PARVA: variants seen among roughly 807,000 people sequenced by gnomAD.
PARVA encodes the protein parvin alpha.
PARVA carries 25 observed loss-of-function variants against 52.6 expected under a neutral mutation model. The ratio of observed to expected loss-of-function variants is 0.48; its 90% CI spans 0.35 to 0.66. The LOEUF (loss-of-function observed/expected upper bound fraction) is 0.66. Ranked by LOEUF, PARVA falls within the 30% of genes least tolerant of loss-of-function variation. The probability of loss-of-function intolerance (pLI) is 0.01; values close to 1 mark genes in which losing one functional copy is unlikely to be tolerated. For missense variants in PARVA, 373 were observed against 450.9 expected (o/e 0.83, Z 1.56); for synonymous variants, 185 against 179.1 (o/e 1.03, Z -0.26).
intron 1 of PARVA, 83 bp from the exon 2 acceptor site, chr11:12,473,662 A>T: frequency 2.0e-6 from 2 of 1,013,570 alleles, no homozygotes; most frequent in Admixed American, 2.0e-5. Flanking sequence ...TCTCAATGTC[A>T]ATATCGAACA....
chr11:12,523,267 T>C (rs1941661528), intron 12 of PARVA, among the ~76,000 whole-genome samples: 2 of 152,156 alleles, frequency 1.3e-5, no homozygotes, highest in Admixed American at 1.3e-4. Context: ...CAGGATGAGA[T>C]AGAGGCGCAG....
chr11:12,499,327 G>A (rs900330444), intron 5 of PARVA, among the ~76,000 whole-genome samples: 5 of 152,118 alleles, frequency 3.3e-5, no homozygotes, highest in African/African-American at 4.8e-5. Context: ...GTTACCTTCC[G>A]TGGATGTAAA....
chr11:12,377,696 C>T lies in PARVA; in HGVS notation c.49C>T (p.Pro17Ser). 1 of 1,567,126 alleles carries T rather than the reference C, an allele frequency of 6.4e-7. No homozygotes were observed. Reference sequence around the variant, plus strand: ...GCCTTCTGTCCCCAAGTCTCCCACTCCCAAGTCGCCCCCGTCCCGCAAGAA... The same window carrying T: ...GCCTTCTGTCCCCAAGTCTCCCACTTCCAAGTCGCCCCCGTCCCGCAAGAA... ...KSPSVPKSPT[P>S]KSPPSRKKDD... The change falls in exon 1 of 13, where the codon CCC becomes TCC. Residue 17 changes from proline (P) to serine (S), a missense_variant. Transcript: ENST00000334956.
intron 1 of PARVA, among the ~76,000 whole-genome samples, chr11:12,421,919 G>A (rs1940157191): frequency 6.6e-6 from 1 of 152,212 alleles, no homozygotes; most frequent in Non-Finnish European, 1.5e-5. Flanking sequence ...TCTTGATTGA[G>A]TAGTTCAAGA....
chr11:12,387,832 A>G (rs1939601413), intron 1 of PARVA, among the ~76,000 whole-genome samples: 1 of 152,044 alleles, frequency 6.6e-6, no homozygotes, highest in East Asian at 1.9e-4. Flanking sequence ...TTTCATCCAG[A>G]AAAGCTTGCT....
At chr11:12,430,094 A>G (rs1008551429) in intron 1 of PARVA, among the ~76,000 whole-genome samples, 4 of 152,118 alleles carry the variant, frequency 2.6e-5, no homozygotes, top group Admixed American at 6.5e-5. Flanking sequence ...GAGAAATCAA[A>G]CCCTGATTTG....
At chr11:12,524,728 T>G (rs1426612578) in intron 12 of PARVA, among the ~76,000 whole-genome samples, 5 of 152,178 alleles carry the variant, frequency 3.3e-5, no homozygotes, top group Admixed American at 3.3e-4. Flanking sequence ...GGAATTTTTT[T>G]CCTTGGCTTC....
rs547728943 is a variant in PARVA at position 12,460,373 on chromosome 11, GATA to G, written c.137-13365_137-13363del. Among the ~76,000 whole-genome samples the G allele has an allele frequency of 4.8e-3, 733 of 152,166 alleles. 3 individuals are homozygous for G. The highest frequency in any genetic ancestry group is 0.017 in the African/African-American group (717 of 41,522). On this transcript the variant is annotated intron_variant, in intron 1 of 12. Transcript: ENST00000334956. ...TCATTTTCCTCATCTGTAAAATGAG[GATA>G]ATAATAGTACCTACTCATTGGATTG...
At chr11:12,411,417 A>G (rs1027689415) in intron 1 of PARVA, among the ~76,000 whole-genome samples, 2 of 152,218 alleles carry the variant, frequency 1.3e-5, no homozygotes, top group African/African-American at 4.8e-5. Flanking sequence ...ATGTTAATAC[A>G]TAATCATCAA....
intron 6 of PARVA, among the ~76,000 whole-genome samples, chr11:12,506,013 T>C (rs184727111): frequency 4.8e-4 from 73 of 152,298 alleles, no homozygotes; most frequent in Admixed American, 1.2e-3. Context: ...CAGTATCAAT[T>C]ATAAGCTCAT....
At chr11:12,425,059 A>G (rs769508951) in intron 1 of PARVA, among the ~76,000 whole-genome samples, 14 of 152,142 alleles carry the variant, frequency 9.2e-5, no homozygotes, top group Admixed American at 2.0e-4. Context: ...TCAGATCAAG[A>G]TCTTATTTAT....
intron 1 of PARVA, among the ~76,000 whole-genome samples, chr11:12,391,704 T>C (rs1168255093): frequency 6.6e-6 from 1 of 152,202 alleles, no homozygotes; most frequent in Non-Finnish European, 1.5e-5. Context: ...GTCATGTCAT[T>C]GTCACTTGCA....
At chr11:12,417,160 C>G (rs1252382918) in intron 1 of PARVA, among the ~76,000 whole-genome samples, 3 of 152,070 alleles carry the variant, frequency 2.0e-5, no homozygotes, top group Non-Finnish European at 4.4e-5. Context: ...ACATTTTGAT[C>G]CAGCAATTCC....
rs200802042 is a variant in PARVA, at chr11:12,523,101, T to TA, written c.1042+4592dup. ...TTTTTTTCTGGATGTATGTCATATTTAAAAAAAATTTTTAATGACTTAAAA... is the reference window on the plus strand; with the variant it reads ...TTTTTTTCTGGATGTATGTCATATTTAAAAAAAAATTTTTAATGACTTAAAA... On this transcript the variant is annotated intron_variant, in intron 12 of 12. Coordinates refer to ENST00000334956, the MANE Select transcript of PARVA (RefSeq NM_018222.5). 1.6e-4 allele frequency among the ~76,000 whole-genome samples: 25 copies of TA among 152,006 alleles called. 1 individual carries two copies. Among genetic ancestry groups the TA allele is most frequent in the Admixed American group, 1.0e-3 (16 of 15,266 alleles).
chr11:12,454,292 T>C (rs1478526153), intron 1 of PARVA, among the ~76,000 whole-genome samples: 4 of 152,212 alleles, frequency 2.6e-5, no homozygotes, highest in Non-Finnish European at 5.9e-5. Context: ...TTCTCCAATA[T>C]TGACTAAATA....
At chr11:12,469,700 T>C (rs1940905953) in intron 1 of PARVA, among the ~76,000 whole-genome samples, 1 of 152,234 alleles carries the variant, frequency 6.6e-6, no homozygotes, top group African/African-American at 2.4e-5. Context: ...GTTAATGGAA[T>C]GGGAATGATG....
chr11:12,474,057 A>C, intron 3 of PARVA, 74 bp downstream of exon 3: 1 of 1,226,786 alleles, frequency 8.2e-7, no homozygotes, highest in Non-Finnish European at 1.2e-6. Flanking sequence ...TGCTCTGTGC[A>C]GGTACCCCAC....
intron 1 of PARVA, among the ~76,000 whole-genome samples, chr11:12,469,424 A>G (rs901918994): frequency 2.0e-5 from 3 of 152,142 alleles, no homozygotes; most frequent in African/African-American, 7.2e-5. Flanking sequence ...ACCCAGTTTT[A>G]GATTGTTAGA....
At chr11:12,506,304 T>A (rs1941430315) in intron 6 of PARVA, among the ~76,000 whole-genome samples, 1 of 152,208 alleles carries the variant, frequency 6.6e-6, no homozygotes, top group South Asian at 2.1e-4. Context: ...GTTATATTCA[T>A]TTATAATAGC....
Sources: allele counts gnomAD v4.1 joint callset (sites outside exome capture counted in the v4.1 genomes callset), GRCh38; gene constraint gnomAD v4.1.1; transcripts MANE v1.5; gene names NCBI Gene and HGNC (gene_info 2026-07-23, HGNC 2026-07-21).